Variants in SLC17A8 observed in about 807,000 individuals in gnomAD.
SLC17A8 encodes vesicular glutamate transporter 3.
Under a neutral mutation model 58.0 loss-of-function variants are expected in SLC17A8, and 31 were observed. The ratio of observed to expected loss-of-function variants is 0.53; its 90% CI spans 0.40 to 0.72. The LOEUF (loss-of-function observed/expected upper bound fraction) is 0.72, where lower values mean the gene tolerates loss of function less well. Ranked by LOEUF, SLC17A8 falls within the 30% of genes least tolerant of loss-of-function variation. The pLI is 0.00. For missense variants in SLC17A8, 655 were observed against 727.8 expected (o/e 0.90, Z 1.15); for synonymous variants, 228 against 249.0 (o/e 0.92, Z 0.79).
intron 1 of SLC17A8, among the ~76,000 whole-genome samples, chr12:100,358,760 A>T (rs2135964813): frequency 6.6e-6 from 1 of 152,312 alleles, no homozygotes; most frequent in Middle Eastern, 3.4e-3. Context: ...TCATTTGATT[A>T]GAAACGCAAA....
intron 1 of SLC17A8, among the ~76,000 whole-genome samples, chr12:100,379,247 T>C (rs4764975): frequency 0.96 from 145,355 of 151,866 alleles, 69,626 homozygotes; most frequent in East Asian, 1. Context: ...CCATCCTGGC[T>C]AACACGGTGA....
chr12:100,402,001 T>A, intron 6 of SLC17A8, 138 bp downstream of exon 6: 1 of 748,614 alleles, frequency 1.3e-6, no homozygotes, highest in Non-Finnish European at 2.3e-6. Context: ...ATACTTTATC[T>A]ATGATTTGAT....
At chr12:100,398,879 G>T (rs766544609) in intron 5 of SLC17A8, among the ~76,000 whole-genome samples, 1 of 152,118 alleles carries the variant, frequency 6.6e-6, no homozygotes, top group Non-Finnish European at 1.5e-5. Context: ...AAAAACGGGA[G>T]TTTCTCTGCA....
intron 9 of SLC17A8, 132 bp downstream of exon 9, chr12:100,404,302 C>T (rs1234914751): frequency 8.5e-7 from 1 of 1,179,622 alleles, no homozygotes; most frequent in African/African-American, 1.5e-5. Context: ...TGTCCCTCAG[C>T]AGACACTTGA....
At chr12:100,386,692 C>CT (rs60474852) in intron 2 of SLC17A8, among the ~76,000 whole-genome samples, 1,418 of 140,318 alleles carry the variant, frequency 0.01, 47 homozygotes, top group East Asian at 0.095. Flanking sequence ...ACCACATTTC[C>CT]TTTTTTTTTT....
intron 10 of SLC17A8, among the ~76,000 whole-genome samples, chr12:100,414,536 T>C (rs1049859876): frequency 2.6e-5 from 4 of 152,176 alleles, no homozygotes; most frequent in African/African-American, 9.7e-5. Context: ...AGCAACCTCA[T>C]AGGGTTGTTG....
At chr12:100,381,386 G>A (rs776743347) in intron 2 of SLC17A8, among the ~76,000 whole-genome samples, 2 of 151,964 alleles carry the variant, frequency 1.3e-5, no homozygotes, top group Non-Finnish European at 2.9e-5. Flanking sequence ...GACAGTTTGA[G>A]GGGGTAGGTG....
At chr12:100,376,435 T>C (rs939143531) in intron 1 of SLC17A8, among the ~76,000 whole-genome samples, 23 of 152,126 alleles carry the variant, frequency 1.5e-4, no homozygotes, top group African/African-American at 5.6e-4. Context: ...GGAAGATCAT[T>C]GAGAAGGAGC....
Position 100,396,319 on chromosome 12 carries a change from T to C in SLC17A8, c.589-11T>C. On this transcript the variant is annotated splice_polypyrimidine_tract_variant and intron_variant, in intron 4 of 11. Transcript: ENST00000323346. ...TCAAATCAACTAATCTATTTTCAAC[T>C]CTTCTGCCAGGGTGTGACCTACCCA... is the stretch of plus-strand genomic sequence containing the variant. 1 of 1,610,974 alleles carries C rather than the reference T, an allele frequency of 6.2e-7. No individual in the cohort carries two copies. Among genetic ancestry groups the C allele is most frequent in the South Asian group, 1.1e-5 (1 of 91,018 alleles).
chr12:100,392,031 C>T (rs944758111), intron 3 of SLC17A8, among the ~76,000 whole-genome samples: 1 of 151,958 alleles, frequency 6.6e-6, no homozygotes, highest in African/African-American at 2.4e-5. Context: ...TCTCTGTCAC[C>T]GGAGGTATTC....
chr12:100,399,875 A>G (rs1256398147), intron 5 of SLC17A8, among the ~76,000 whole-genome samples: 1 of 152,150 alleles, frequency 6.6e-6, no homozygotes, highest in African/African-American at 2.4e-5. Flanking sequence ...GCATGACTGA[A>G]TGATTAAATA....
intron 2 of SLC17A8, among the ~76,000 whole-genome samples, chr12:100,387,015 G>A (rs150393718): frequency 1.2e-3 from 179 of 152,174 alleles, no homozygotes; most frequent in South Asian, 2.5e-3. Context: ...TCTGTCAACG[G>A]GCATTCAGGT....
At chr12:100,415,845 G>A (rs1480941215) in intron 10 of SLC17A8, among the ~76,000 whole-genome samples, 2 of 152,222 alleles carry the variant, frequency 1.3e-5, no homozygotes, top group Non-Finnish European at 2.9e-5. Context: ...AACTTGCCGA[G>A]TGAAGTGGCT....
intron 1 of SLC17A8, among the ~76,000 whole-genome samples, chr12:100,369,048 A>G (rs1343946098): frequency 2.0e-5 from 3 of 152,076 alleles, no homozygotes; most frequent in Non-Finnish European, 4.4e-5. Context: ...CAAGGCAGGG[A>G]GAGGATCACC....
At chr12:100,407,283 T>C (rs1952832786) in intron 9 of SLC17A8, among the ~76,000 whole-genome samples, 2 of 152,310 alleles carry the variant, frequency 1.3e-5, no homozygotes, top group Admixed American at 1.3e-4. Flanking sequence ...TTTTAAACAC[T>C]ACTTGCACAA....
chr12:100,413,919 G>A (rs1952888622), intron 10 of SLC17A8, among the ~76,000 whole-genome samples: 1 of 152,088 alleles, frequency 6.6e-6, no homozygotes, highest in Admixed American at 6.5e-5. Flanking sequence ...GGAGGTTGCG[G>A]TGAGCTGAGT....
At chr12:100,404,461 G>A (rs900731511) in intron 9 of SLC17A8, 90 of 375,554 alleles carry the variant, frequency 2.4e-4, no homozygotes, top group Non-Finnish European at 4.2e-4. Flanking sequence ...CAGAAGAAAA[G>A]TAGTCTTTCC....
At chr12:100,364,047 C>CAA (rs3057169) in intron 1 of SLC17A8, among the ~76,000 whole-genome samples, 9,453 of 52,338 alleles carry the variant, frequency 0.18, 897 homozygotes, top group Non-Finnish European at 0.26. Context: ...GATTCCATCT[C>CAA]AAAAAAAAAA....
rs771602150 is a variant in SLC17A8, at chr12:100,380,930, G to A, written c.331G>A (p.Val111Ile). 30 of 1,614,018 alleles carry A rather than the reference G, an allele frequency of 1.9e-5. No individual in the cohort carries two copies. In the African/African-American group the frequency reaches 3.7e-4, roughly 20 times the overall value. The change falls in exon 2 of 12, where the codon GTT becomes ATT. Residue 111 changes from valine to isoleucine, a missense_variant. Transcript: ENST00000323346. ...VEMVNNSTVY[V>I]DGKPEIQTAQ... ...AATGGTCAACAATAGCACCGTATAT[G>A]TTGATGGAAAACCGGAAATTCAGGT...
Sources: gnomAD v4.1 joint callset for allele counts (sites outside exome capture counted in the v4.1 genomes callset) on GRCh38, gnomAD v4.1.1 for gene constraint, MANE v1.5 for transcripts, NCBI Gene and HGNC (gene_info 2026-07-23, HGNC 2026-07-21) for gene names.